The following ARHGAP23 variants were observed in gnomAD, a reference collection of about 807,000 sequenced individuals.
ARHGAP23 encodes the protein Rho GTPase activating protein 23, also known as rho GTPase-activating protein 23.
In ARHGAP23, 34 loss-of-function variants were observed where a neutral mutation model predicts 136.3. The observed-to-expected ratio is 0.25, with a 90% CI of 0.19 to 0.33. ARHGAP23 has a LOEUF of 0.33. ARHGAP23 is among the 10% of genes least tolerant of loss of function. The probability of loss-of-function intolerance (pLI) is 1.00; values close to 1 mark genes in which losing one functional copy is unlikely to be tolerated. For synonymous variants in ARHGAP23, 832 were observed against 920.5 expected, an observed-to-expected ratio of 0.90 and a Z score of 1.74; for missense variants, 1,808 against 2,139.0, an observed-to-expected ratio of 0.85 and a Z score of 3.05.
intron 22 of ARHGAP23, 25 bp downstream of exon 22, chr17:38,498,535 G>C: frequency 6.6e-7 from 1 of 1,504,120 alleles, no homozygotes; most frequent in East Asian, 2.5e-5. Context: ...CTGGGAGTGG[G>C]GAGGCGGGAG....
At chr17:38,421,427 G>A (rs1041428999) in intron 1 of ARHGAP23, among the ~76,000 whole-genome samples, 4 of 152,168 alleles carry the variant, frequency 2.6e-5, no homozygotes, top group South Asian at 2.1e-4. Flanking sequence ...GTTAACGCCC[G>A]GCTTTCTGGA....
At chr17:38,490,952 T>C (rs2040264766) in intron 19 of ARHGAP23, among the ~76,000 whole-genome samples, 1 of 152,248 alleles carries the variant, frequency 6.6e-6, no homozygotes, top group Non-Finnish European at 1.5e-5. Flanking sequence ...GAAGTCTCAC[T>C]CTGCCGCTCA....
rs117538687 is a variant in ARHGAP23, at chr17:38,470,352, T to C, written c.1974+448T>C. 6.5e-3 allele frequency among the ~76,000 whole-genome samples: 992 copies of C among 152,364 alleles called. 6 individuals are homozygous for C. Among genetic ancestry groups the C allele is most frequent in the Middle Eastern group, 0.024 (7 of 294 alleles). On this transcript the variant is annotated intron_variant, in intron 10 of 23. Coordinates refer to ENST00000622683, the MANE Select transcript of ARHGAP23 (RefSeq NM_001199417.2). Reference sequence around the variant, plus strand: ...CTAGAATAGAAGCTCCCTGAACTTATATTTGGGGCTTCATTTGTTTCCTTC... The same window carrying C: ...CTAGAATAGAAGCTCCCTGAACTTACATTTGGGGCTTCATTTGTTTCCTTC...
At chr17:38,464,281 C>T (rs2039530094) in intron 6 of ARHGAP23, among the ~76,000 whole-genome samples, 2 of 150,778 alleles carry the variant, frequency 1.3e-5, no homozygotes, top group African/African-American at 5.0e-5. Context: ...CACTCCCAAG[C>T]ATACCCTTCC....
In ARHGAP23 at chr17:38,469,150, C is replaced by A; in HGVS notation, c.1655C>A (p.Pro552His). The change falls in exon 8 of 24, where the codon CCC becomes CAC. Residue 552 changes from proline to histidine, a missense_variant. This residue lies in a region of ARHGAP23 where 859 missense variants were observed against 936.4 expected (regional missense o/e 0.92). Coordinates refer to ENST00000622683, the MANE Select transcript of ARHGAP23 (RefSeq NM_001199417.2). ...TCTCCTTCCACATGCATAGATGAGCCCACCAGCCCCAGCATTGACCTCCAA... is the reference window on the plus strand; with the variant it reads ...TCTCCTTCCACATGCATAGATGAGCACACCAGCCCCAGCATTGACCTCCAA... ...SLASIPFIDE[P>H]TSPSIDLQAK... The A allele has an allele frequency of 6.5e-7, 1 of 1,549,302 alleles. No individual in the cohort carries two copies. Among genetic ancestry groups the A allele is most frequent in the South Asian group, 1.2e-5 (1 of 83,710 alleles).
At position 38,482,076 on chromosome 17, in the gene ARHGAP23, A is replaced by G. The variant is rs769300239; in HGVS notation, c.2684A>G (p.Asn895Ser). The part of the protein sequence containing the change: ...TPWGINIIKK[N>S]KKAAPRAFGV... ...TGGGGCATCAACATCATCAAGAAAA[A>G]TAAGAAGGCCGCTCCGAGGGCGTTT... The change falls in exon 15 of 24, where the codon AAT (asparagine) becomes AGT (serine). Residue 895 changes from asparagine to serine, a missense_variant. Around this residue, in one of 7 missense-constraint regions of ARHGAP23, gnomAD observed 73 missense variants for 82.5 expected, o/e 0.88. Transcript: ENST00000622683. 1.9e-5 allele frequency: 29 copies of G among 1,549,882 alleles called. No individual in the cohort carries two copies. The African/African-American group carries it at 3.6e-4, about 19-fold the overall frequency.
chr17:38,452,869 T>C (rs1161328043), intron 1 of ARHGAP23, among the ~76,000 whole-genome samples: 1 of 152,170 alleles, frequency 6.6e-6, no homozygotes, highest in Non-Finnish European at 1.5e-5. Context: ...GGGGGCAGCT[T>C]TGAATGATTG....
Position 38,464,107 on chromosome 17 carries a change from A to G in ARHGAP23, c.483+725A>G, listed in dbSNP as rs138693101. ...CCCACGCCGCACTATCACAACATGT[A>G]TGCTCGCAAACACCGCGGCATCCTC... On this transcript the variant is annotated intron_variant, in intron 6 of 23. Coordinates refer to ENST00000622683, the MANE Select transcript of ARHGAP23 (RefSeq NM_001199417.2). Among the ~76,000 whole-genome samples the G allele has an allele frequency of 3.3e-3, 498 of 152,272 alleles. 2 individuals carry two copies. Among genetic ancestry groups the G allele is most frequent in the African/African-American group, 0.012 (481 of 41,544 alleles).
At chr17:38,480,691 C>T (rs1246661401) in intron 14 of ARHGAP23, among the ~76,000 whole-genome samples, 1 of 149,786 alleles carries the variant, frequency 6.7e-6, no homozygotes, top group Non-Finnish European at 1.5e-5. Context: ...GTAATCCCAA[C>T]TACTTGGGAG....
intron 6 of ARHGAP23, among the ~76,000 whole-genome samples, chr17:38,463,650 C>T (rs114746508): frequency 0.011 from 1,690 of 152,198 alleles, 43 homozygotes; most frequent in African/African-American, 0.039. Context: ...CAGCCTGGCA[C>T]GTTCTTGTCA....
intron 23 of ARHGAP23, 77 bp from the exon 24 acceptor site, chr17:38,509,867 G>A: frequency 8.9e-7 from 1 of 1,124,968 alleles, no homozygotes; most frequent in Non-Finnish European, 1.1e-6. Context: ...CGTGACGTGG[G>A]GGTGGACCGG....
chr17:38,427,738 G>T (rs2038590214), upstream of ARHGAP23, among the ~76,000 whole-genome samples: 1 of 152,160 alleles, frequency 6.6e-6, no homozygotes, highest in South Asian at 2.1e-4. Context: ...CGAAGGGCTG[G>T]GGCACCTGCC....
At position 38,501,606 on chromosome 17, in the gene ARHGAP23, C is replaced by A. The variant is rs560956014; in HGVS notation, c.3447+978C>A. 5.5e-4 allele frequency among the ~76,000 whole-genome samples: 84 copies of A among 152,102 alleles called. 1 individual carries two copies. In the Middle Eastern group the frequency reaches 0.01, roughly 18 times the overall value. On this transcript the variant is annotated intron_variant, in intron 23 of 23. Transcript: ENST00000622683. ...GTGAGTCACTGCGCCTGGCTATAGA[C>A]CCCTAAGTAATTGAATTTATGGGCA...
chr17:38,426,347 C>T (rs2038569254), upstream of ARHGAP23, among the ~76,000 whole-genome samples: 1 of 151,814 alleles, frequency 6.6e-6, no homozygotes, highest in Non-Finnish European at 1.5e-5. Flanking sequence ...TCGAGACCAT[C>T]CTGGCCAACA....
chr17:38,420,989 AT>A (rs2038515147), intron 1 of ARHGAP23, among the ~76,000 whole-genome samples: 1 of 152,122 alleles, frequency 6.6e-6, no homozygotes, highest in Non-Finnish European at 1.5e-5. Flanking sequence ...TCCTAAATGC[AT>A]CTCACTGGGC....
In ARHGAP23 at chr17:38,486,124, G is replaced by A; in HGVS notation, c.2970G>A (p.Glu990=). 6.4e-7 allele frequency: 1 copy of A among 1,551,502 alleles called. No homozygotes were observed. Among genetic ancestry groups the A allele is most frequent in the South Asian group, 1.2e-5 (1 of 84,058 alleles). The change falls in exon 17 of 24, where the codon GAG becomes GAA. Residue 990 remains glutamate (E), a synonymous_variant. Coordinates refer to ENST00000622683, the MANE Select transcript of ARHGAP23 (RefSeq NM_001199417.2). ...AGTCCTTCTTCCGAAAGCTGCCCGA[G>A]CCTCTTTTCACTGATGGTGAGTAGG... is the stretch of plus-strand genomic sequence containing the variant. ...LLKSFFRKLP[E]PLFTDDKYND...
At chr17:38,472,809 T>C (rs1274375993) in intron 11 of ARHGAP23, among the ~76,000 whole-genome samples, 1 of 152,182 alleles carries the variant, frequency 6.6e-6, no homozygotes, top group Non-Finnish European at 1.5e-5. Flanking sequence ...CTCAGTGTCC[T>C]CTCCTGTAAA....
At chr17:38,420,117 G>A (rs1226122524) in intron 1 of ARHGAP23, among the ~76,000 whole-genome samples, 11 of 152,196 alleles carry the variant, frequency 7.2e-5, no homozygotes, top group Non-Finnish European at 2.9e-5. Flanking sequence ...CAGTGGGCGG[G>A]GATGAAGACC....
chr17:38,501,742 C>T (rs1295627760), intron 23 of ARHGAP23, among the ~76,000 whole-genome samples: 11 of 151,930 alleles, frequency 7.2e-5, no homozygotes, highest in Non-Finnish European at 1.3e-4. Flanking sequence ...AGTCCTATAC[C>T]TCCTAAGGAA....
Sources: allele counts gnomAD v4.1 joint callset (sites outside exome capture counted in the v4.1 genomes callset), GRCh38; gene constraint gnomAD v4.1.1; regional missense constraint gnomAD v4.1.1; transcripts MANE v1.5; gene names NCBI Gene and HGNC (gene_info 2026-07-23, HGNC 2026-07-21).